The following PCCA variants were observed in gnomAD, a reference collection of about 807,000 sequenced individuals.
PCCA encodes the protein propionyl-CoA carboxylase subunit alpha, also known as propionyl-CoA carboxylase alpha chain, mitochondrial.
A neutral mutation model predicts 101.3 loss-of-function variants in PCCA; 74 were observed. The observed-to-expected ratio is 0.73, with a 90% CI of 0.61 to 0.89. PCCA has a LOEUF of 0.89. Ranked by LOEUF, PCCA falls within the 40% of genes least tolerant of loss-of-function variation. The pLI is 0.00. For synonymous variants in PCCA, 294 were observed against 313.6 expected (o/e 0.94, Z 0.66); for missense variants, 891 against 907.0 (o/e 0.98, Z 0.23).
intron 16 of PCCA, among the ~76,000 whole-genome samples, chr13:100,312,008 C>G (rs2066954273): frequency 6.6e-6 from 1 of 152,022 alleles, no homozygotes. Flanking sequence ...TTGGGTTATC[C>G]TATAAGATTA....
At chr13:100,370,626 A>G (rs967648826) in intron 19 of PCCA, among the ~76,000 whole-genome samples, 5 of 152,188 alleles carry the variant, frequency 3.3e-5, no homozygotes, top group South Asian at 2.1e-4. Context: ...CAGAGCATCA[A>G]TAGCCCAATG....
chr13:100,369,472 C>A (rs2152813237), intron 19 of PCCA, among the ~76,000 whole-genome samples: 1 of 152,252 alleles, frequency 6.6e-6, no homozygotes, highest in East Asian at 1.9e-4. Context: ...GTTGAAGATT[C>A]ATGAGAATTC....
intron 20 of PCCA, among the ~76,000 whole-genome samples, chr13:100,432,055 C>T (rs540519885): frequency 1.3e-5 from 2 of 151,604 alleles, no homozygotes; most frequent in South Asian, 2.1e-4. Flanking sequence ...AAATATTAAC[C>T]GGGGATGGTG....
At chr13:100,473,404 T>C (rs577139987) in intron 21 of PCCA, 2 of 152,392 alleles carry the variant, frequency 1.3e-5, no homozygotes, top group Admixed American at 1.3e-4. Flanking sequence ...GATTGGAATT[T>C]TGAGTGTCCC....
At chr13:100,097,759 A>G (rs928412864) in intron 1 of PCCA, among the ~76,000 whole-genome samples, 1 of 152,194 alleles carries the variant, frequency 6.6e-6, no homozygotes, top group African/African-American at 2.4e-5. Flanking sequence ...TTATGTTAAC[A>G]AAGTAAAGCA....
At chr13:100,437,575 G>A (rs12864297) in intron 20 of PCCA, among the ~76,000 whole-genome samples, 4 of 150,454 alleles carry the variant, frequency 2.7e-5, no homozygotes, top group African/African-American at 9.8e-5. Flanking sequence ...TTTCATTGCC[G>A]AAGTAGTCAG....
At chr13:100,294,491 A>T (rs1419593210) in intron 12 of PCCA, among the ~76,000 whole-genome samples, 1 of 152,076 alleles carries the variant, frequency 6.6e-6, no homozygotes, top group Non-Finnish European at 1.5e-5. Context: ...AAAATTTTAA[A>T]CAACTTACTA....
intron 6 of PCCA, among the ~76,000 whole-genome samples, chr13:100,185,792 CATGT>C (rs1308549410): frequency 2.6e-5 from 4 of 152,080 alleles, no homozygotes; most frequent in African/African-American, 7.2e-5. Context: ...GGATTACAGG[CATGT>C]GCCACCCCGC....
chr13:100,343,825 C>T (rs1257722591), intron 18 of PCCA, among the ~76,000 whole-genome samples: 13 of 152,212 alleles, frequency 8.5e-5, no homozygotes, highest in Admixed American at 8.5e-4. Context: ...CCTGTAGTCC[C>T]ACACTTTGGG....
At chr13:100,260,019 T>C (rs2062375339) in intron 9 of PCCA, among the ~76,000 whole-genome samples, 1 of 152,194 alleles carries the variant, frequency 6.6e-6, no homozygotes, top group South Asian at 2.1e-4. Context: ...TTTTTACTTG[T>C]GGTGTTCTGG....
At chr13:100,514,512 C>T (rs934390481) in intron 21 of PCCA, among the ~76,000 whole-genome samples, 1 of 152,194 alleles carries the variant, frequency 6.6e-6, no homozygotes, top group Non-Finnish European at 1.5e-5. Flanking sequence ...CCAGAACCTT[C>T]GGGTGGTGGT....
intron 17 of PCCA, among the ~76,000 whole-genome samples, chr13:100,334,113 A>G (rs1651294332): frequency 6.6e-6 from 1 of 152,186 alleles, no homozygotes; most frequent in Admixed American, 6.5e-5. Flanking sequence ...CAACAACAAC[A>G]AAACACCGGA....
chr13:100,509,765 A>G (rs1437465643), intron 21 of PCCA, among the ~76,000 whole-genome samples: 1 of 152,204 alleles, frequency 6.6e-6, no homozygotes, highest in Admixed American at 6.5e-5. Flanking sequence ...TTTCTACACA[A>G]TTAGAGTCTA....
intron 21 of PCCA, among the ~76,000 whole-genome samples, chr13:100,479,320 G>C (rs919049757): frequency 1.3e-5 from 2 of 152,162 alleles, no homozygotes; most frequent in Non-Finnish European, 2.9e-5. Context: ...CAAGTGTGCT[G>C]ACCAACGTCC....
intron 16 of PCCA, among the ~76,000 whole-genome samples, chr13:100,310,446 G>A (rs1049375902): frequency 1.1e-4 from 16 of 152,050 alleles, no homozygotes; most frequent in African/African-American, 3.9e-4. Flanking sequence ...ACTCTAATGT[G>A]CTTGAGCAGT....
chr13:100,452,976 G>A (rs2081442711), intron 21 of PCCA, among the ~76,000 whole-genome samples: 1 of 152,150 alleles, frequency 6.6e-6, no homozygotes, highest in Non-Finnish European at 1.5e-5. Flanking sequence ...GGCTGAGGTA[G>A]GAGGATCACT....
intron 4 of PCCA, among the ~76,000 whole-genome samples, chr13:100,137,921 C>T (rs1396959302): frequency 6.6e-6 from 1 of 151,460 alleles, no homozygotes; most frequent in East Asian, 1.9e-4. Context: ...GTGATCCTTT[C>T]ACCTCAGCCT....
intron 2 of PCCA, among the ~76,000 whole-genome samples, chr13:100,110,992 G>A (rs2048255042): frequency 1.3e-5 from 2 of 150,942 alleles, no homozygotes; most frequent in South Asian, 4.2e-4. Flanking sequence ...CCATCACGCC[G>A]GCTAATTTTT....
chr13:100,098,080 A>T (rs1201787211), intron 1 of PCCA, among the ~76,000 whole-genome samples: 1 of 151,758 alleles, frequency 6.6e-6, no homozygotes, highest in African/African-American at 2.4e-5. Context: ...AGTCTCAGCT[A>T]CTTAGGAGGC....
Sources: allele counts gnomAD v4.1 joint callset (sites outside exome capture counted in the v4.1 genomes callset), GRCh38; gene constraint gnomAD v4.1.1; transcripts MANE v1.5; gene names NCBI Gene and HGNC (gene_info 2026-07-23, HGNC 2026-07-21).